AK9: variants seen among roughly 807,000 people sequenced by gnomAD.
The protein encoded by AK9 is adenylate kinase domain containing 1.
In AK9, 191 loss-of-function variants were observed where a neutral mutation model predicts 239.6. That is an observed-to-expected ratio of 0.80 (90% CI 0.71 to 0.90). The LOEUF (loss-of-function observed/expected upper bound fraction) is 0.90. Among genes scored for constraint, AK9 ranks in the 40% least tolerant of loss-of-function variants. The pLI is 0.00. For synonymous variants in AK9, 689 were observed against 721.0 expected, an observed-to-expected ratio of 0.96 and a Z score of 0.71; for missense variants, 1,995 against 2,214.7, an observed-to-expected ratio of 0.90 and a Z score of 1.99.
chr6:109,512,929 T>A (rs562898214), intron 32 of AK9, among the ~76,000 whole-genome samples: 1 of 152,360 alleles, frequency 6.6e-6, no homozygotes, highest in Non-Finnish European at 1.5e-5. Context: ...AGTGGCACAA[T>A]CATGGCTCAC....
chr6:109,683,133 A>G (rs1245325018), intron 1 of AK9, among the ~76,000 whole-genome samples: 1 of 152,226 alleles, frequency 6.6e-6, no homozygotes, highest in African/African-American at 2.4e-5. Flanking sequence ...CATAAATAGA[A>G]CCAATGACAA....
rs1222431285 is a variant in AK9, at chr6:109,659,216, T to C, written c.630+12A>G. On this transcript the variant is annotated intron_variant, in intron 7 of 40. Coordinates refer to ENST00000424296, the MANE Select transcript of AK9 (RefSeq NM_001145128.3). ...AAGTGTAGTGTATGGTAGTTACCTA[T>C]TGAGATATTACCTCTTCTTCTTCTT... The C allele has an allele frequency of 6.4e-7, 1 of 1,567,132 alleles. No homozygotes were observed. The highest frequency in any genetic ancestry group is 2.0e-5 in the Admixed American group (1 of 49,778).
intron 5 of AK9, among the ~76,000 whole-genome samples, chr6:109,665,715 C>T (rs1316195916): frequency 6.6e-6 from 1 of 152,220 alleles, no homozygotes; most frequent in Non-Finnish European, 1.5e-5. Flanking sequence ...GGCAAGCTAA[C>T]TCCTCCAAGT....
At chr6:109,684,873 C>CAAAAAAAAAAAAAAAAAAAAAA (rs60500211) in intron 1 of AK9, among the ~76,000 whole-genome samples, 3 of 21,870 alleles carry the variant, frequency 1.4e-4, no homozygotes, top group Non-Finnish European at 2.4e-4. Context: ...GACTCCGTCT[C>CAAAAAAAAAAAAAAAAAAAAAA]AAAAAAAAAA....
At chr6:109,567,682 A>G (rs1211250635) in intron 21 of AK9, among the ~76,000 whole-genome samples, 2 of 137,584 alleles carry the variant, frequency 1.5e-5, no homozygotes, top group African/African-American at 2.7e-5. Flanking sequence ...GAATTGAACA[A>G]TGAGAACACT....
At chr6:109,596,556 A>G (rs1791058552) in intron 17 of AK9, among the ~76,000 whole-genome samples, 1 of 152,186 alleles carries the variant, frequency 6.6e-6, no homozygotes, top group South Asian at 2.1e-4. Flanking sequence ...AGATGTTTGC[A>G]CCTGAAGGGA....
At chr6:109,558,320 T>C (rs1292442641) in intron 24 of AK9, among the ~76,000 whole-genome samples, 1 of 152,152 alleles carries the variant, frequency 6.6e-6, no homozygotes, top group East Asian at 1.9e-4. Context: ...TAATCCAAGG[T>C]CTCAAAGATT....
intron 19 of AK9, among the ~76,000 whole-genome samples, chr6:109,581,465 A>G (rs1562444486): frequency 6.6e-6 from 1 of 152,202 alleles, no homozygotes. Context: ...TACTATTGAT[A>G]TGGAGAAAGT....
Position 109,546,120 on chromosome 6 carries a change from G to A in AK9, c.2972C>T (p.Pro991Leu), listed in dbSNP as rs766784076. Residue 991 changes from proline (P) to leucine (L), a missense_variant, in exon 26 of 41, where the codon CCA becomes CTA. Coordinates refer to ENST00000424296, the MANE Select transcript of AK9 (RefSeq NM_001145128.3). ...VAHEEPLKAP[P>L]LRICLVGPQG... ...GGGGCCGACAAGGCATATTCTTAATGGAGGAGCCTGTCACAGGGGGTGGGT... is the reference window on the plus strand; with the variant it reads ...GGGGCCGACAAGGCATATTCTTAATAGAGGAGCCTGTCACAGGGGGTGGGT... 1.1e-5 allele frequency: 17 copies of A among 1,593,386 alleles called. No individual in the cohort carries two copies. The highest frequency in any genetic ancestry group is 1.5e-5 in the Non-Finnish European group (17 of 1,169,882).
intron 24 of AK9, among the ~76,000 whole-genome samples, chr6:109,554,054 C>T (rs1355926387): frequency 6.6e-6 from 1 of 152,178 alleles, no homozygotes; most frequent in African/African-American, 2.4e-5. Flanking sequence ...ATGAAGCCAA[C>T]TTGATCATGG....
intron 24 of AK9, among the ~76,000 whole-genome samples, chr6:109,555,704 A>G (rs2128172121): frequency 6.6e-6 from 1 of 152,362 alleles, no homozygotes; most frequent in Non-Finnish European, 1.5e-5. Context: ...TATTGGGTGC[A>G]TATATGTTCA....
chr6:109,533,801 T>C (rs1200412876), intron 27 of AK9, among the ~76,000 whole-genome samples: 2 of 152,168 alleles, frequency 1.3e-5, no homozygotes, highest in South Asian at 2.1e-4. Flanking sequence ...ATATTTATAA[T>C]ATAAAATTGT....
At chr6:109,641,370 T>TTG in intron 10 of AK9, 148 bp downstream of exon 10, 1 of 354,284 alleles carries the variant, frequency 2.8e-6, no homozygotes, top group South Asian at 7.5e-5. Flanking sequence ...TTTTTTTTTG[T>TTG]AGAGATGGGT....
At chr6:109,565,463 G>C (rs1317107242) in intron 21 of AK9, among the ~76,000 whole-genome samples, 3 of 143,506 alleles carry the variant, frequency 2.1e-5, no homozygotes, top group African/African-American at 7.5e-5. Context: ...GACAGAGCAA[G>C]ACACCATCTC....
At chr6:109,674,929 G>A (rs905413845) in intron 2 of AK9, among the ~76,000 whole-genome samples, 2 of 152,160 alleles carry the variant, frequency 1.3e-5, no homozygotes, top group African/African-American at 4.8e-5. Flanking sequence ...CCAGCTCAGT[G>A]GCTGTCAGTA....
rs1780892287 is a variant in AK9, at chr6:109,529,007, T to G, written c.3633+4A>C. The G allele has an allele frequency of 6.2e-7, 1 of 1,601,524 alleles. No homozygotes were observed. Among genetic ancestry groups the G allele is most frequent in the Non-Finnish European group, 8.5e-7 (1 of 1,175,524 alleles). On this transcript the variant is annotated splice_donor_region_variant and intron_variant, in intron 29 of 40. Transcript: ENST00000424296. Reference sequence around the variant, plus strand: ...GTTTTGAAAAAAAAAACAAAACTACTTACCTCCCTCCTTTTTTTATCTCTC... The same window carrying G: ...GTTTTGAAAAAAAAAACAAAACTACGTACCTCCCTCCTTTTTTTATCTCTC...
At chr6:109,622,430 CTATAG>C (rs67018523) in intron 12 of AK9, among the ~76,000 whole-genome samples, 6,945 of 139,770 alleles carry the variant, frequency 0.05, 338 homozygotes, top group East Asian at 0.23. Flanking sequence ...TAATAGTATA[CTATAG>C]TATATTATAC....
chr6:109,623,490 G>A (rs1035480033), intron 12 of AK9, among the ~76,000 whole-genome samples: 1 of 152,066 alleles, frequency 6.6e-6, no homozygotes, highest in African/African-American at 2.4e-5. Flanking sequence ...TCATGTGATC[G>A]AGCCATCTTC....
At chr6:109,688,606 G>A (rs1397316226) in intron 1 of AK9, among the ~76,000 whole-genome samples, 1 of 152,186 alleles carries the variant, frequency 6.6e-6, no homozygotes, top group Non-Finnish European at 1.5e-5. Context: ...TTTGAATCAA[G>A]GGCTGGAAGT....
Sources: allele counts gnomAD v4.1 joint callset (sites outside exome capture counted in the v4.1 genomes callset), GRCh38; gene constraint gnomAD v4.1.1; transcripts MANE v1.5; gene names NCBI Gene and HGNC (gene_info 2026-07-23, HGNC 2026-07-21).